Variants in YEATS2 observed in about 807,000 individuals in gnomAD.
YEATS2 encodes the protein YEATS domain containing 2, also known as YEATS domain-containing protein 2.
YEATS2 carries 77 observed loss-of-function variants against 163.2 expected under a neutral mutation model. The ratio of observed to expected loss-of-function variants is 0.47; its 90% confidence interval spans 0.39 to 0.57. The LOEUF is 0.57. YEATS2 is among the 20% of genes least tolerant of loss of function. YEATS2 has a pLI of 0.00. For missense variants in YEATS2, 1,549 were observed against 1,729.8 expected (o/e 0.90, Z 1.85); for synonymous variants, 631 against 645.1 (o/e 0.98, Z 0.33).
chr3:183,719,153 CTT>C (rs1271192463), intron 4 of YEATS2, among the ~76,000 whole-genome samples: 12 of 141,802 alleles, frequency 8.5e-5, no homozygotes, highest in African/African-American at 1.0e-4. Context: ...ATATTTTTTC[CTT>C]TTTTTTTTTT....
chr3:183,773,652 A>G lies in YEATS2; in HGVS notation c.2226A>G (p.Leu742=), dbSNP rs1212540178. Residue 742 remains leucine (L), a synonymous_variant, in exon 17 of 31, where the codon CTA becomes CTG. Transcript: ENST00000305135. ...TTTTAGTAATGGCAACGTTGCAGCT[A>G]CCAGCCACTAATTTGGCCAACTTGG... ...SQGSVMATLQ[L]PATNLANLAN... 3.1e-6 allele frequency: 5 copies of G among 1,608,786 alleles called. No individual in the cohort carries two copies. The highest frequency in any genetic ancestry group is 1.7e-5 in the Admixed American group (1 of 58,664).
intron 12 of YEATS2, 140 bp downstream of exon 12, chr3:183,756,829 C>A: frequency 1.3e-6 from 1 of 760,778 alleles, no homozygotes; most frequent in Non-Finnish European, 1.8e-6. Flanking sequence ...AAAGGAAAGC[C>A]AATACTCTTT....
intron 20 of YEATS2, among the ~76,000 whole-genome samples, chr3:183,787,853 A>C (rs985431380): frequency 1.3e-5 from 2 of 151,790 alleles, no homozygotes; most frequent in African/African-American, 4.8e-5. Flanking sequence ...AAAAAAAAAA[A>C]TTAGCGGGGC....
chr3:183,748,098 C>G (rs1268815955), intron 9 of YEATS2, among the ~76,000 whole-genome samples: 3 of 151,714 alleles, frequency 2.0e-5, no homozygotes, highest in Admixed American at 6.6e-5. Flanking sequence ...TTATAAATAA[C>G]TACCGAAGAC....
At chr3:183,768,347 C>T (rs1722118302) in intron 15 of YEATS2, among the ~76,000 whole-genome samples, 2 of 152,210 alleles carry the variant, frequency 1.3e-5, no homozygotes, top group South Asian at 2.1e-4. Context: ...CTGCACACAT[C>T]CCGTTAGCCA....
In YEATS2 at chr3:183,730,568, T is replaced by A. The variant is rs1211141962; in HGVS notation, c.812+1717T>A. 2.0e-5 allele frequency among the ~76,000 whole-genome samples: 3 copies of A among 151,604 alleles called. No homozygotes were observed. In the South Asian group the frequency reaches 6.3e-4, roughly 32 times the overall value. ...TGCCACATACCACTGGGCCTGGGGG[T>A]GGGGTGGATGTCTTCCTTGATCACA... On this transcript the variant is annotated intron_variant, in intron 7 of 30. Transcript: ENST00000305135.
rs16858123 is a variant in YEATS2, at chr3:183,801,679, G to A, written c.3502+151G>A. The A allele has an allele frequency of 0.012, 6,627 of 536,508 alleles. 318 individuals carry two copies. In the East Asian group the frequency reaches 0.13, roughly 11 times the overall value. The allele number at this position is 536,508 out of a possible 1,614,324, so 33.2% of individuals were successfully genotyped here. A position where few individuals can be genotyped will look rare whatever the true frequency, so the allele number is the denominator to read the frequency against. On this transcript the variant is annotated intron_variant, in intron 25 of 30. Transcript: ENST00000305135. ...GCTAGAGATACAGCCCATTTGCAAG[G>A]GTTTTAGAATTCACATCCAGTTAGT... is the stretch of plus-strand genomic sequence containing the variant.
At chr3:183,706,634 T>C (rs892332061) in intron 1 of YEATS2, among the ~76,000 whole-genome samples, 2 of 152,104 alleles carry the variant, frequency 1.3e-5, no homozygotes, top group African/African-American at 4.8e-5. Flanking sequence ...ATGACCAACA[T>C]GGAGAAACCC....
intron 16 of YEATS2, among the ~76,000 whole-genome samples, 177 bp from the exon 17 acceptor site, chr3:183,773,456 A>G (rs1170029748): frequency 6.6e-6 from 1 of 152,202 alleles, no homozygotes; most frequent in African/African-American, 2.4e-5. Flanking sequence ...ATTATTTTTT[A>G]ATTAGCAAGA....
At chr3:183,710,521 T>C (rs963947041) in intron 1 of YEATS2, among the ~76,000 whole-genome samples, 4 of 152,334 alleles carry the variant, frequency 2.6e-5, no homozygotes, top group African/African-American at 9.6e-5. Context: ...GAAGCTCAAA[T>C]ATATGCCCAC....
intron 21 of YEATS2, among the ~76,000 whole-genome samples, chr3:183,796,147 TA>T (rs1267190022): frequency 4.3e-5 from 6 of 139,864 alleles, no homozygotes; most frequent in African/African-American, 8.6e-5. Flanking sequence ...CATGCCCGGC[TA>T]TTTTTTTTTT....
At chr3:183,774,032 G>A (rs1041392126) in intron 17 of YEATS2, among the ~76,000 whole-genome samples, 2 of 152,154 alleles carry the variant, frequency 1.3e-5, no homozygotes. Context: ...TGGCTGGTGA[G>A]GCTGTTGGGA....
rs745354761 is a variant in YEATS2 at position 183,809,083 on chromosome 3, A to G, written c.4087-14A>G. ...AGATGGCCATTTGAAGAATAACAGC[A>G]TCTTCCATTGTAGGCTACAGAACAG... On this transcript the variant is annotated splice_polypyrimidine_tract_variant and intron_variant, in intron 29 of 30. Coordinates refer to ENST00000305135, the MANE Select transcript of YEATS2 (RefSeq NM_018023.5). The G allele has an allele frequency of 6.2e-7, 1 of 1,614,024 alleles. No homozygotes were observed. The highest frequency in any genetic ancestry group is 1.1e-5 in the South Asian group (1 of 91,074).
intron 13 of YEATS2, among the ~76,000 whole-genome samples, chr3:183,759,259 A>G (rs1020732964): frequency 6.6e-6 from 1 of 152,192 alleles, no homozygotes; most frequent in African/African-American, 2.4e-5. Flanking sequence ...TCTAGACTTT[A>G]CTACCCCCAG....
chr3:183,751,093 C>T (rs1040625105), intron 9 of YEATS2, among the ~76,000 whole-genome samples: 11 of 152,074 alleles, frequency 7.2e-5, no homozygotes, highest in African/African-American at 1.7e-4. Flanking sequence ...TTTTATGTTT[C>T]GTTCTTTGAT....
intron 1 of YEATS2, among the ~76,000 whole-genome samples, chr3:183,701,533 C>A (rs570314183): frequency 6.6e-6 from 1 of 152,226 alleles, no homozygotes; most frequent in South Asian, 2.1e-4. Context: ...ACTACAGGTA[C>A]ACACCACCAT....
intron 1 of YEATS2, among the ~76,000 whole-genome samples, chr3:183,711,366 G>T (rs939962736): frequency 1.3e-5 from 2 of 151,586 alleles, no homozygotes; most frequent in Non-Finnish European, 2.9e-5. Context: ...CCAGCTACTC[G>T]GGAGGCTGAG....
At chr3:183,705,913 G>A (rs1316189233) in intron 1 of YEATS2, among the ~76,000 whole-genome samples, 2 of 151,888 alleles carry the variant, frequency 1.3e-5, no homozygotes, top group East Asian at 1.9e-4. Context: ...GGTGGCGGGC[G>A]CCTGTAGTCC....
chr3:183,792,187 T>C (rs1215684557), intron 21 of YEATS2, among the ~76,000 whole-genome samples: 1 of 152,052 alleles, frequency 6.6e-6, no homozygotes, highest in Non-Finnish European at 1.5e-5. Flanking sequence ...TCCAGGTTCG[T>C]TACCTAAGTA....
Sources: gnomAD v4.1 joint callset for allele counts (sites outside exome capture counted in the v4.1 genomes callset) on GRCh38, gnomAD v4.1.1 for gene constraint, MANE v1.5 for transcripts, NCBI Gene and HGNC (gene_info 2026-07-23, HGNC 2026-07-21) for gene names.